Variants in ERBIN observed in about 807,000 individuals in gnomAD.
The protein encoded by ERBIN is densin-180-like protein.
Under a neutral mutation model 158.4 loss-of-function variants are expected in ERBIN, and 60 were observed. The observed-to-expected ratio is 0.38, with a 90% CI of 0.31 to 0.47. ERBIN has a LOEUF of 0.47. Ranked by LOEUF, ERBIN falls within the 20% of genes least tolerant of loss-of-function variation. The pLI is 0.99. For synonymous variants in ERBIN, 594 were observed against 557.2 expected (o/e 1.07, Z -0.93); for missense variants, 1,610 against 1,648.0 (o/e 0.98, Z 0.40).
At chr5:65,954,689 A>G (rs1746885173) in intron 1 of ERBIN, among the ~76,000 whole-genome samples, 1 of 152,124 alleles carries the variant, frequency 6.6e-6, no homozygotes, top group Admixed American at 6.5e-5. Context: ...ATGTCCCACG[A>G]AAGTTTAAAA....
intron 14 of ERBIN, among the ~76,000 whole-genome samples, chr5:66,031,592 G>C (rs928689090): frequency 6.6e-6 from 1 of 152,190 alleles, no homozygotes; most frequent in Non-Finnish European, 1.5e-5. Context: ...AGAGCTTTGG[G>C]AAGCTGAGGT....
At position 66,054,611 on chromosome 5, in the gene ERBIN, A is replaced by G. The variant is rs771413949; in HGVS notation, c.3293A>G (p.Gln1098Arg). ...GATCCAGGCTCTACAAGGCGGGCTC[A>G]GATTCCTGAAGGAGATTATTTATCA... The part of the protein sequence containing the change: ...LGDPGSTRRA[Q>R]IPEGDYLSYR... The change falls in exon 21 of 26, where the codon CAG becomes CGG. Residue 1098 changes from glutamine (Q) to arginine (R), a missense_variant. Physicochemically the swap from Gln to Arg is conservative, Grantham distance 43. This residue lies in a region of ERBIN where 1,014 missense variants were observed against 936.1 expected (regional missense o/e 1.08). Coordinates refer to ENST00000284037, the MANE Select transcript of ERBIN (RefSeq NM_001253697.2). 12 of 1,614,074 alleles carry G rather than the reference A, an allele frequency of 7.4e-6. No homozygotes were observed. The African/African-American group carries it at 1.5e-4, about 20-fold the overall frequency.
At chr5:66,075,314 A>G in intron 23 of ERBIN, 84 bp downstream of exon 23, 1 of 1,110,178 alleles carries the variant, frequency 9.0e-7, no homozygotes, top group South Asian at 1.3e-5. Flanking sequence ...GTAAATCCAT[A>G]CAGAATATTA....
intron 1 of ERBIN, among the ~76,000 whole-genome samples, chr5:65,934,306 C>T (rs991714720): frequency 7.2e-5 from 11 of 152,230 alleles, no homozygotes; most frequent in African/African-American, 2.4e-4. Flanking sequence ...ATATTACTAA[C>T]ATCTGAACCT....
Position 66,054,844 on chromosome 5 carries a change from A to G in ERBIN, c.3526A>G (p.Arg1176Gly), listed in dbSNP as rs745566264. Residue 1176 changes from arginine to glycine, a missense_variant, in exon 21 of 26, where the codon AGG becomes GGG. Physicochemically the swap from Arg to Gly is moderately radical, Grantham distance 125 (BLOSUM62 -2). Coordinates refer to ENST00000284037, the MANE Select transcript of ERBIN (RefSeq NM_001253697.2). ...TAGTCCTTCAAAAAGACCAAATGCA[A>G]GGGTTGGTTCTGAGCATTCTTTATT... ...RTSPSKRPNA[R>G]VGSEHSLLDP... 43 of 1,614,130 alleles carry G rather than the reference A, an allele frequency of 2.7e-5. No individual in the cohort carries two copies. Among genetic ancestry groups the G allele is most frequent in the Middle Eastern group, 3.3e-4 (2 of 6,060 alleles).
chr5:66,050,732 C>T, intron 19 of ERBIN, 51 bp from the exon 20 acceptor site: 6 of 1,217,892 alleles, frequency 4.9e-6, no homozygotes, highest in Non-Finnish European at 6.8e-6. Flanking sequence ...AAAAGAATTT[C>T]ACACAATTCT....
intron 1 of ERBIN, among the ~76,000 whole-genome samples, chr5:65,959,193 T>C (rs1747642777): frequency 6.6e-6 from 1 of 152,228 alleles, no homozygotes; most frequent in Admixed American, 6.5e-5. Context: ...TACCAGTTTT[T>C]TTTTTAATTG....
chr5:65,934,042 G>A lies in ERBIN; in HGVS notation c.-58+7236G>A, dbSNP rs151051283. On this transcript the variant is annotated intron_variant, in intron 1 of 25. Coordinates refer to ENST00000284037, the MANE Select transcript of ERBIN (RefSeq NM_001253697.2). The stretch of plus-strand genomic sequence containing the variant: ...CTCCCAAGTAGCTGAGACTATAGAC[G>A]CCCGCCACCACGCCTGGCTAATTTT... 8.5e-4 allele frequency among the ~76,000 whole-genome samples: 129 copies of A among 152,020 alleles called. 1 individual carries two copies. In the East Asian group the frequency reaches 0.018, roughly 21 times the overall value.
intron 7 of ERBIN, among the ~76,000 whole-genome samples, chr5:66,016,780 A>AT (rs1340529081): frequency 1.3e-5 from 2 of 151,838 alleles, no homozygotes; most frequent in African/African-American, 4.8e-5. Context: ...CGTCTGGCTA[A>AT]TTTTTTGTAT....
At position 66,081,049 on chromosome 5, in the gene ERBIN, A is replaced by G. The variant is rs1233565719; in HGVS notation, c.*2519A>G. On this transcript the variant is annotated 3_prime_UTR_variant, in exon 26 of 26. Transcript: ENST00000284037. ...AGTGGAGAAGACATTTTTAGTTTAT[A>G]TATTGTTGAGTAAATTGTAGTTAAG... 1 of 152,020 alleles carries G rather than the reference A, an allele frequency of 6.6e-6. No individual in the cohort carries two copies. The highest frequency in any genetic ancestry group is 1.5e-5 in the Non-Finnish European group (1 of 67,864). The allele number at this position is 152,020 out of a possible 1,614,324, so 9.4% of individuals were successfully genotyped here. A position where few individuals can be genotyped will look rare whatever the true frequency, so the allele number is the denominator to read the frequency against.
At chr5:65,940,148 C>T (rs1471755628) in intron 1 of ERBIN, among the ~76,000 whole-genome samples, 1 of 147,924 alleles carries the variant, frequency 6.8e-6, no homozygotes, top group Non-Finnish European at 1.5e-5. Flanking sequence ...TGAGGAGCGT[C>T]TCTGCCCGGC....
At chr5:65,969,553 A>ACTTT (rs1371496371) in intron 1 of ERBIN, among the ~76,000 whole-genome samples, 1 of 152,232 alleles carries the variant, frequency 6.6e-6, no homozygotes, top group Non-Finnish European at 1.5e-5. Context: ...AATGTAAAGC[A>ACTTT]GTATTATTTC....
chr5:65,953,882 C>T (rs59691585), intron 1 of ERBIN, among the ~76,000 whole-genome samples: 3,980 of 152,156 alleles, frequency 0.026, 175 homozygotes, highest in African/African-American at 0.092. Context: ...ACATTAATTT[C>T]GACATTCTTT....
Position 65,971,778 on chromosome 5 carries a change from A to G in ERBIN, c.-57-16857A>G, listed in dbSNP as rs187792153. On this transcript the variant is annotated intron_variant, in intron 1 of 25. Coordinates refer to ENST00000284037, the MANE Select transcript of ERBIN (RefSeq NM_001253697.2). ...CGCTAAATGCAGGGACAGACTTGCT[A>G]TCTTTCAGTCCCACTTACATATCCT... is the stretch of plus-strand genomic sequence containing the variant. Among the ~76,000 whole-genome samples the G allele has an allele frequency of 1.0e-3, 153 of 152,318 alleles. 4 individuals are homozygous for G. The East Asian group carries it at 0.022, about 21-fold the overall frequency.
At chr5:66,002,427 C>T (rs1753104302) in intron 4 of ERBIN, among the ~76,000 whole-genome samples, 2 of 150,916 alleles carry the variant, frequency 1.3e-5, no homozygotes, top group Non-Finnish European at 2.9e-5. Flanking sequence ...GTGATTAAAA[C>T]ATTCTGTCAA....
chr5:65,932,311 C>T (rs534109833), intron 1 of ERBIN, among the ~76,000 whole-genome samples: 1 of 149,304 alleles, frequency 6.7e-6, no homozygotes, highest in Admixed American at 6.7e-5. Flanking sequence ...TGCATTCCAG[C>T]CTGGCGACAG....
At chr5:65,931,868 G>C (rs888907085) in intron 1 of ERBIN, among the ~76,000 whole-genome samples, 2 of 149,534 alleles carry the variant, frequency 1.3e-5, no homozygotes, top group African/African-American at 4.9e-5. Flanking sequence ...GCCCAGACTG[G>C]AGTGCAGTGG....
At chr5:65,950,728 G>A (rs1319450157) in intron 1 of ERBIN, among the ~76,000 whole-genome samples, 1 of 152,038 alleles carries the variant, frequency 6.6e-6, no homozygotes, top group Non-Finnish European at 1.5e-5. Flanking sequence ...GATATTTTCG[G>A]GGAGATACTT....
At chr5:65,930,759 C>A (rs1743265001) in intron 1 of ERBIN, among the ~76,000 whole-genome samples, 1 of 152,062 alleles carries the variant, frequency 6.6e-6, no homozygotes, top group South Asian at 2.1e-4. Flanking sequence ...TACTTTTGGC[C>A]TCTTAAAACA....
Sources: allele counts gnomAD v4.1 joint callset (sites outside exome capture counted in the v4.1 genomes callset), GRCh38; gene constraint gnomAD v4.1.1; regional missense constraint gnomAD v4.1.1; transcripts MANE v1.5; gene names NCBI Gene and HGNC (gene_info 2026-07-23, HGNC 2026-07-21).